SH2D3C: variants seen among roughly 807,000 people sequenced by gnomAD.
The protein encoded by SH2D3C is SH2 domain-containing protein 3C.
Under a neutral mutation model 75.2 loss-of-function variants are expected in SH2D3C, and 25 were observed. The ratio of observed to expected loss-of-function variants is 0.33; its 90% CI spans 0.24 to 0.46. The LOEUF is 0.46. Ranked by LOEUF, SH2D3C falls within the 20% of genes least tolerant of loss-of-function variation. SH2D3C has a pLI of 1.00. For synonymous variants in SH2D3C, 450 were observed against 473.7 expected (o/e 0.95, Z 0.65); for missense variants, 933 against 1,165.3 (o/e 0.80, Z 2.90).
chr9:127,773,955 T>A, intron 2 of SH2D3C, 35 bp downstream of exon 2: 37 of 1,152,806 alleles, frequency 3.2e-5, no homozygotes, highest in Non-Finnish European at 4.6e-5. Context: ...ACAGAAGCCA[T>A]CCCTGCAGGT....
At chr9:127,768,129 C>T (rs1347937631) in intron 2 of SH2D3C, among the ~76,000 whole-genome samples, 1 of 152,190 alleles carries the variant, frequency 6.6e-6, no homozygotes, top group East Asian at 1.9e-4. Context: ...ACTAGCCTCC[C>T]AGAGTCTGAA....
chr9:127,777,491 G>T (rs1170407466), intron 1 of SH2D3C, among the ~76,000 whole-genome samples: 2 of 137,468 alleles, frequency 1.5e-5, no homozygotes, highest in Non-Finnish European at 3.1e-5. Context: ...TCCCCACCTG[G>T]GATCCCATGA....
At position 127,738,493 on chromosome 9, in the gene SH2D3C, A is replaced by G; in HGVS notation, c.*253T>C. On this transcript the variant is annotated 3_prime_UTR_variant, in exon 12 of 12. Coordinates refer to ENST00000314830, the MANE Select transcript of SH2D3C (RefSeq NM_170600.3). This position sits in a 1 kb window ranked among gnomAD's most constrained non-coding sequence, Gnocchi z 5.0. ...TGGCTCGAAAACAGGGAACCCCAGCAGGAAGGGGAGCAGCAAAAGCTGGTG... is the reference window on the plus strand; with the variant it reads ...TGGCTCGAAAACAGGGAACCCCAGCGGGAAGGGGAGCAGCAAAAGCTGGTG... The G allele has an allele frequency of 2.8e-6, 1 of 358,278 alleles. No homozygotes were observed. The highest frequency in any genetic ancestry group is 5.1e-6 in the Non-Finnish European group (1 of 197,162). The allele number at this position is 358,278 out of a possible 1,614,324, so 22.2% of individuals were successfully genotyped here. A position where few individuals can be genotyped will look rare whatever the true frequency, so the allele number is the denominator to read the frequency against.
At chr9:127,750,296 A>G (rs1237853857) in intron 4 of SH2D3C, among the ~76,000 whole-genome samples, 2 of 152,062 alleles carry the variant, frequency 1.3e-5, no homozygotes, top group Non-Finnish European at 2.9e-5. Flanking sequence ...CTGGCATTAC[A>G]GGTGCATGCC....
At chr9:127,753,744 G>A (rs1465971370) in intron 3 of SH2D3C, among the ~76,000 whole-genome samples, 3 of 152,182 alleles carry the variant, frequency 2.0e-5, no homozygotes, top group Non-Finnish European at 4.4e-5. Context: ...GCGTCACAGG[G>A]AAAAAGGGAA....
At chr9:127,768,239 G>A (rs1280674458) in intron 2 of SH2D3C, among the ~76,000 whole-genome samples, 1 of 152,198 alleles carries the variant, frequency 6.6e-6, no homozygotes, top group Non-Finnish European at 1.5e-5. Context: ...CGAGAGGGTC[G>A]TGGGACTCTG....
intron 2 of SH2D3C, among the ~76,000 whole-genome samples, chr9:127,769,376 C>G (rs546171390): frequency 6.6e-6 from 1 of 152,194 alleles, no homozygotes; most frequent in Non-Finnish European, 1.5e-5. Context: ...GGTGCGGTGG[C>G]TCACGCCTGT....
intron 9 of SH2D3C, 58 bp downstream of exon 9, chr9:127,741,730 C>A: frequency 6.4e-7 from 1 of 1,557,118 alleles, no homozygotes; most frequent in Non-Finnish European, 8.7e-7. Flanking sequence ...ATCCCAAAGG[C>A]ACCCCAGGGC....
chr9:127,755,027 G>T lies in SH2D3C; in HGVS notation c.556-3727C>A, dbSNP rs1371176195. Reference sequence around the variant, plus strand: ...CTGGCTCTAGGGCCCCGGGCGGAGCGGCCGGGGGTCCCAGCCCGGCGCGCG... The same window carrying T: ...CTGGCTCTAGGGCCCCGGGCGGAGCTGCCGGGGGTCCCAGCCCGGCGCGCG... On this transcript the variant is annotated intron_variant, in intron 3 of 11. Coordinates refer to ENST00000314830, the MANE Select transcript of SH2D3C (RefSeq NM_170600.3). 4.4e-6 allele frequency: 4 copies of T among 918,324 alleles called. No individual in the cohort carries two copies. The South Asian group carries it at 2.0e-4, about 46-fold the overall frequency. 56.9% of individuals were successfully genotyped at this position (918,324 alleles called of 1,614,324 possible).
chr9:127,765,397 C>T (rs1321503443), intron 2 of SH2D3C, among the ~76,000 whole-genome samples: 1 of 152,172 alleles, frequency 6.6e-6, no homozygotes, highest in East Asian at 1.9e-4. Context: ...GTCTAGACAA[C>T]ATCAGGAACC....
Position 127,774,103 on chromosome 9 carries a change from G to T in SH2D3C, c.402C>A (p.Thr134=). 2 of 1,614,120 alleles carry T rather than the reference G, an allele frequency of 1.2e-6. No individual in the cohort carries two copies. The highest frequency in any genetic ancestry group is 1.7e-6 in the Non-Finnish European group (2 of 1,180,010). The change falls in exon 2 of 12, where the codon ACC becomes ACA. Residue 134 remains threonine, a synonymous_variant. Transcript: ENST00000314830. This position sits in a 1 kb window ranked among gnomAD's most constrained non-coding sequence, Gnocchi z 4.3. ...MVKATGPLED[T]PAMEPNPSAV... ...CTGAAGGGTTGGGTTCCATTGCTGG[G>T]GTGTCCTCTAGAGGGCCAGTGGCCT...
chr9:127,744,259 C>T (rs1455599019), intron 7 of SH2D3C, among the ~76,000 whole-genome samples: 6 of 151,802 alleles, frequency 4.0e-5, no homozygotes, highest in Admixed American at 6.6e-5. Flanking sequence ...TTAGTAGAGA[C>T]GGGGTTTCGC....
Position 127,759,171 on chromosome 9 carries a change from G to A in SH2D3C, c.555+2440C>T, listed in dbSNP as rs192625171. Among the ~76,000 whole-genome samples the A allele has an allele frequency of 3.9e-5, 6 of 152,222 alleles. No individual in the cohort carries two copies. In the East Asian group the frequency reaches 7.7e-4, roughly 20 times the overall value. On this transcript the variant is annotated intron_variant, in intron 3 of 11. Transcript: ENST00000314830. ...AGTGGCAGATCTCAGACTAAAATTT[G>A]TTTTTTAGTTTTGTGGGGTTTTCTA... is the stretch of plus-strand genomic sequence containing the variant.
intron 2 of SH2D3C, among the ~76,000 whole-genome samples, chr9:127,772,918 C>G (rs1423832975): frequency 6.6e-6 from 1 of 151,924 alleles, no homozygotes; most frequent in African/African-American, 2.4e-5. Flanking sequence ...ACTGCAACCT[C>G]CATCTCCCAA....
In SH2D3C at chr9:127,774,368, T is replaced by A. The variant is rs139943112; in HGVS notation, c.137A>T (p.Glu46Val). ...CTGCGTGGCTTCAAAGGTGTCAGGC[T>A]CCAAATGGGACTGCCTACTGATGGA... ...SASISRQSHL[E>V]PDTFEATQDD... Residue 46 changes from glutamate (E) to valine (V), a missense_variant, in exon 2 of 12, where the codon GAG becomes GTG. By Grantham distance (121) the Glu-to-Val change is moderately radical. Coordinates refer to ENST00000314830, the MANE Select transcript of SH2D3C (RefSeq NM_170600.3). This position sits in a 1 kb window ranked among gnomAD's most constrained non-coding sequence, Gnocchi z 4.3. 8 of 1,613,514 alleles carry A rather than the reference T, an allele frequency of 5.0e-6. No homozygotes were observed. The highest frequency in any genetic ancestry group is 1.3e-5 in the African/African-American group (1 of 74,832).
In SH2D3C at chr9:127,774,109, C is replaced by T. The variant is rs891806867; in HGVS notation, c.396G>A (p.Glu132=). 1.9e-6 allele frequency: 3 copies of T among 1,614,100 alleles called. No homozygotes were observed. The highest frequency in any genetic ancestry group is 2.5e-6 in the Non-Finnish European group (3 of 1,180,008). The change falls in exon 2 of 12, where the codon GAG becomes GAA. Residue 132 remains glutamate, a synonymous_variant. Transcript: ENST00000314830. This position sits in a 1 kb window ranked among gnomAD's most constrained non-coding sequence, Gnocchi z 4.3. Reference sequence around the variant, plus strand: ...GGTTGGGTTCCATTGCTGGGGTGTCCTCTAGAGGGCCAGTGGCCTTCACCA... The same window carrying T: ...GGTTGGGTTCCATTGCTGGGGTGTCTTCTAGAGGGCCAGTGGCCTTCACCA... ...EVMVKATGPL[E]DTPAMEPNPS... is the part of the protein sequence containing the mutation.
Position 127,747,252 on chromosome 9 carries a change from G to C in SH2D3C, c.1159C>G (p.Arg387Gly), listed in dbSNP as rs61761895. The change falls in exon 6 of 12, where the codon CGG becomes GGG. Residue 387 changes from arginine to glycine, a missense_variant. Coordinates refer to ENST00000314830, the MANE Select transcript of SH2D3C (RefSeq NM_170600.3). Reference protein sequence around the residue: ...CPTSTSLPRPRDSIRSCALSM... With the variant: ...CPTSTSLPRPGDSIRSCALSM... Reference sequence around the variant, plus strand: ...AGGGCACAGCTGCGGATGGAGTCCCGAGGGCGGGGCAGCGACGTACTGTGG... The same window carrying C: ...AGGGCACAGCTGCGGATGGAGTCCCCAGGGCGGGGCAGCGACGTACTGTGG... 1.7e-3 allele frequency: 2,769 copies of C among 1,613,426 alleles called. 21 individuals are homozygous for C. The Middle Eastern group carries it at 0.019, about 11-fold the overall frequency.
rs1310087683 is a variant in SH2D3C at position 127,774,606 on chromosome 9, AAC to A, written c.38-141_38-140del. 1.6e-6 allele frequency: 1 copy of A among 608,670 alleles called. No homozygotes were observed. Among genetic ancestry groups the A allele is most frequent in the East Asian group, 2.7e-5 (1 of 36,454 alleles). 37.7% of individuals were successfully genotyped at this position (608,670 alleles called of 1,614,324 possible). On this transcript the variant is annotated intron_variant, in intron 1 of 11. Coordinates refer to ENST00000314830, the MANE Select transcript of SH2D3C (RefSeq NM_170600.3). The surrounding 1 kb of genome is among the most constrained non-coding windows in gnomAD (Gnocchi z 4.3). ...CCCAGACACCCCTTCTAAAATTGTTAACACGCCCCTAGAAATGGTATAAGATG... is the reference window on the plus strand; with the variant it reads ...CCCAGACACCCCTTCTAAAATTGTTAACGCCCCTAGAAATGGTATAAGATG...
chr9:127,773,650 TA>T (rs1466398649), intron 2 of SH2D3C, among the ~76,000 whole-genome samples: 3 of 151,804 alleles, frequency 2.0e-5, no homozygotes, highest in African/African-American at 7.3e-5. Flanking sequence ...TGTACTGGGT[TA>T]AAAAGAAGCC....
Sources: allele counts gnomAD v4.1 joint callset (sites outside exome capture counted in the v4.1 genomes callset), GRCh38; gene constraint gnomAD v4.1.1; non-coding constraint Gnocchi (gnomAD v3.1); transcripts MANE v1.5; gene names NCBI Gene and HGNC (gene_info 2026-07-23, HGNC 2026-07-21).